Variants in GRK1 observed in about 807,000 individuals in gnomAD.
GRK1 encodes rhodopsin kinase GRK1.
Under a neutral mutation model 41.7 loss-of-function variants are expected in GRK1, and 28 were observed. The ratio of observed to expected loss-of-function variants is 0.67; its 90% CI spans 0.50 to 0.92. The LOEUF (loss-of-function observed/expected upper bound fraction) is 0.92. GRK1 is among the 40% of genes least tolerant of loss of function. GRK1 has a pLI of 0.00. For missense variants in GRK1, 703 were observed against 671.2 expected, an observed-to-expected ratio of 1.05 and a Z score of -0.52; for synonymous variants, 327 against 286.7, an observed-to-expected ratio of 1.14 and a Z score of -1.42.
At chr13:113,669,231 A>G (rs2049840365) in intron 1 of GRK1, among the ~76,000 whole-genome samples, 1 of 152,224 alleles carries the variant, frequency 6.6e-6, no homozygotes, top group Non-Finnish European at 1.5e-5. Flanking sequence ...GACACTTACA[A>G]ACTCGTTCAA....
At chr13:113,664,825 G>A (rs1381769168), upstream of GRK1, among the ~76,000 whole-genome samples, 6 of 152,226 alleles carry the variant, frequency 3.9e-5, no homozygotes, top group Non-Finnish European at 8.8e-5. The surrounding 1 kb of genome is among the most constrained non-coding windows in gnomAD (Gnocchi z 5.4). Flanking sequence ...AGCAGAGACG[G>A]CTACACTTCA....
At chr13:113,734,788 T>C in intron 6 of GRK1, 1 of 330,142 alleles carries the variant, frequency 3.0e-6, no homozygotes, top group Non-Finnish European at 5.5e-6. Flanking sequence ...ACAAGGCAGA[T>C]GTGAGCGCCA....
intron 4 of GRK1, among the ~76,000 whole-genome samples, chr13:113,723,846 CTGTG>C: frequency 8.1e-6 from 1 of 122,708 alleles, no homozygotes; most frequent in Admixed American, 7.5e-5. Flanking sequence ...GCACACGTGT[CTGTG>C]TGCCTGTGTG....
intron 4 of GRK1, among the ~76,000 whole-genome samples, chr13:113,723,790 CTG>C (rs1014684302): frequency 2.3e-4 from 35 of 151,294 alleles, no homozygotes; most frequent in African/African-American, 6.1e-4. Context: ...ACACGTGTGT[CTG>C]TGTGCCTGCA....
chr13:113,649,921 G>C, the GRK1 span, among the ~76,000 whole-genome samples: 1 of 152,172 alleles, frequency 6.6e-6, no homozygotes, highest in African/African-American at 2.4e-5. The surrounding 1 kb of genome is among the most constrained non-coding windows in gnomAD (Gnocchi z 4.7). Flanking sequence ...CTAGCACTTT[G>C]GGAGCCTGAG....
intron 6 of GRK1, among the ~76,000 whole-genome samples, chr13:113,733,739 G>GTGTGTGCATACGTC (rs2049964851): frequency 6.7e-6 from 1 of 148,674 alleles, no homozygotes; most frequent in African/African-American, 2.5e-5. Flanking sequence ...GCGTGTGTAT[G>GTGTGTGCATACGTC]TGTGCATACA....
chr13:113,729,747 C>T (rs1367143049), intron 4 of GRK1, among the ~76,000 whole-genome samples: 1 of 152,124 alleles, frequency 6.6e-6, no homozygotes, highest in African/African-American at 2.4e-5. Flanking sequence ...GTGCCCAGAC[C>T]CGTCCCTCCA....
At chr13:113,672,468 G>C (rs945972407) in intron 3 of GRK1, among the ~76,000 whole-genome samples, 4 of 145,654 alleles carry the variant, frequency 2.7e-5, no homozygotes, top group South Asian at 2.2e-4. Flanking sequence ...TGTGGCGTAT[G>C]TGTGTGGTAT....
intron 4 of GRK1, chr13:113,726,556 C>T (rs965375351): frequency 5.1e-5 from 8 of 156,486 alleles, no homozygotes; most frequent in African/African-American, 1.7e-4. Context: ...GTCTCCCTCA[C>T]GCTTTCTGTC....
chr13:113,652,179 C>T, the GRK1 span, among the ~76,000 whole-genome samples: 5 of 152,244 alleles, frequency 3.3e-5, no homozygotes, highest in African/African-American at 1.2e-4. Context: ...CCAGCCATCC[C>T]CTGCTGTGCT....
chr13:113,734,799 G>A, intron 6 of GRK1: 2 of 361,680 alleles, frequency 5.5e-6, no homozygotes, highest in Non-Finnish European at 9.9e-6. Context: ...GTGAGCGCCA[G>A]GTCCTTTCAC....
intron 6 of GRK1, among the ~76,000 whole-genome samples, chr13:113,733,526 T>C (rs567597408): frequency 1.4e-4 from 21 of 151,778 alleles, no homozygotes; most frequent in Non-Finnish European, 2.2e-4. Context: ...TGTGCATGTG[T>C]GCGCGTGTGT....
At chr13:113,734,989 G>A (rs1464148020) in intron 6 of GRK1, 79 bp from the exon 7 acceptor site, 4 of 1,360,166 alleles carry the variant, frequency 2.9e-6, no homozygotes, top group Middle Eastern at 2.6e-4. Context: ...GGGAGCCATG[G>A]GGGAGGGGGC....
chr13:113,723,112 C>A lies in GRK1; in HGVS notation c.1024C>A (p.Leu342Met), dbSNP rs775864531. Reference sequence around the variant, plus strand: ...CTCTGACCTTGGGCTGGCCGTGGAGCTGCTGGACGGACAGAGCAAGACCAA... The same window carrying A: ...CTCTGACCTTGGGCTGGCCGTGGAGATGCTGGACGGACAGAGCAAGACCAA... Reference protein sequence around the residue: ...RISDLGLAVELLDGQSKTKGY... With the variant: ...RISDLGLAVEMLDGQSKTKGY... The change falls in exon 4 of 7, where the codon CTG becomes ATG. Residue 342 changes from leucine (L) to methionine (M), a missense_variant. Leu to Met is a conservative substitution (Grantham distance 15). Coordinates refer to ENST00000335678, the MANE Select transcript of GRK1 (RefSeq NM_002929.3). 1 of 701,712 alleles carries A rather than the reference C, an allele frequency of 1.4e-6. No individual in the cohort carries two copies. Among genetic ancestry groups the A allele is most frequent in the South Asian group, 1.5e-5 (1 of 67,490 alleles). The allele number at this position is 701,712 out of a possible 1,614,324, so 43.5% of individuals were successfully genotyped here.
At position 113,735,411 on chromosome 13, in the gene GRK1, T is replaced by A. The variant is rs1408411940; in HGVS notation, c.*48T>A. The A allele has an allele frequency of 5.6e-6, 8 of 1,431,510 alleles. No homozygotes were observed. The highest frequency in any genetic ancestry group is 7.3e-6 in the Non-Finnish European group (8 of 1,093,958). 88.7% of individuals were successfully genotyped at this position (1,431,510 alleles called of 1,614,324 possible). ...GAGGAAAAGGACCCATACGGCTCGATGGGGGCCGCCTGCCTCCGTGGTGCC... is the reference window on the plus strand; with the variant it reads ...GAGGAAAAGGACCCATACGGCTCGAAGGGGGCCGCCTGCCTCCGTGGTGCC... On this transcript the variant is annotated 3_prime_UTR_variant, in exon 7 of 7. Transcript: ENST00000335678.
chr13:113,733,834 CGTGCGT>C (rs1332341060), intron 6 of GRK1, among the ~76,000 whole-genome samples: 2 of 98,466 alleles, frequency 2.0e-5, no homozygotes, highest in Non-Finnish European at 3.8e-5. Context: ...TGTGTGTGCA[CGTGCGT>C]GTGCATGTGT....
chr13:113,733,761 GTGTA>G (rs1437564738), intron 6 of GRK1, among the ~76,000 whole-genome samples: 6 of 122,404 alleles, frequency 4.9e-5, no homozygotes, highest in African/African-American at 1.2e-4. Flanking sequence ...GTGTGTGCGT[GTGTA>G]TGTGTGTGCA....
At chr13:113,665,833 G>T (rs2049814556), upstream of GRK1, among the ~76,000 whole-genome samples, 1 of 148,970 alleles carries the variant, frequency 6.7e-6, no homozygotes, top group African/African-American at 2.5e-5. Flanking sequence ...CATTTCAGGT[G>T]TCTCAGGTGT....
chr13:113,734,733 C>T lies in GRK1; in HGVS notation c.1397-335C>T, dbSNP rs1264655482. ...ATGGGGCCCCAGGGGAAGGCGTGTT[C>T]GGGGAGGAGACCGCTTCATGACGAG... On this transcript the variant is annotated intron_variant, in intron 6 of 6. Transcript: ENST00000335678. 11 of 211,004 alleles carry T rather than the reference C, an allele frequency of 5.2e-5. No homozygotes were observed. In the East Asian group the frequency reaches 7.3e-4, roughly 14 times the overall value. 13.1% of individuals were successfully genotyped at this position (211,004 alleles called of 1,614,324 possible). A position where few individuals can be genotyped will look rare whatever the true frequency, so the allele number is the denominator to read the frequency against.
Sources: allele counts gnomAD v4.1 joint callset (sites outside exome capture counted in the v4.1 genomes callset), GRCh38; gene constraint gnomAD v4.1.1; non-coding constraint Gnocchi (gnomAD v3.1); transcripts MANE v1.5; gene names NCBI Gene and HGNC (gene_info 2026-07-23, HGNC 2026-07-21).